ASAP2: variants seen among roughly 807,000 people sequenced by gnomAD.
The protein encoded by ASAP2 is arf-GAP with SH3 domain, ANK repeat and PH domain-containing protein 2.
Under a neutral mutation model 131.4 loss-of-function variants are expected in ASAP2, and 45 were observed. The ratio of observed to expected loss-of-function variants is 0.34; its 90% confidence interval spans 0.27 to 0.44. ASAP2 has a LOEUF of 0.44. Among genes scored for constraint, ASAP2 ranks in the 20% least tolerant of loss-of-function variants. The pLI is 1.00. For synonymous variants in ASAP2, 510 were observed against 503.0 expected (o/e 1.01, Z -0.19); for missense variants, 1,011 against 1,297.0 (o/e 0.78, Z 3.39).
At chr2:9,320,394 C>T in intron 5 of ASAP2, 57 bp downstream of exon 5, 2 of 1,326,406 alleles carry the variant, frequency 1.5e-6, no homozygotes, top group South Asian at 1.2e-5. Context: ...CAAATTTAAA[C>T]CAACCTCGTA....
At chr2:9,381,433 C>T (rs568852123) in intron 20 of ASAP2, among the ~76,000 whole-genome samples, 3 of 152,218 alleles carry the variant, frequency 2.0e-5, no homozygotes, top group Admixed American at 6.5e-5. Flanking sequence ...TGACACACAG[C>T]GCTCAGTAAA....
chr2:9,291,960 A>C (rs1667841586), intron 2 of ASAP2, among the ~76,000 whole-genome samples: 2 of 152,106 alleles, frequency 1.3e-5, no homozygotes, highest in Non-Finnish European at 2.9e-5. Context: ...TGTCATTAGC[A>C]AATGAAGAAA....
chr2:9,247,510 T>A (rs374078193), intron 1 of ASAP2, among the ~76,000 whole-genome samples: 49 of 152,258 alleles, frequency 3.2e-4, no homozygotes, highest in African/African-American at 1.1e-3. Context: ...TCTGTGGATT[T>A]GCTCGCTGCG....
chr2:9,363,014 T>C (rs553387362), intron 15 of ASAP2, among the ~76,000 whole-genome samples: 2 of 152,356 alleles, frequency 1.3e-5, no homozygotes, highest in Admixed American at 6.5e-5. Context: ...GAGTTCAGCT[T>C]TTTTAGATTT....
rs1349405189 is a variant in ASAP2 at position 9,313,163 on chromosome 2, A to C, written c.346-5361A>C. On this transcript the variant is annotated intron_variant, in intron 3 of 27. Transcript: ENST00000281419. ...AGAGGTCACACTCACTGCTGAAATG[A>C]ACGAAGAACGAAAGCAAGCCGACCA... is the stretch of plus-strand genomic sequence containing the variant. 2.0e-5 allele frequency among the ~76,000 whole-genome samples: 3 copies of C among 152,210 alleles called. No individual in the cohort carries two copies. In the East Asian group the frequency reaches 5.8e-4, roughly 29 times the overall value.
At chr2:9,316,983 A>G (rs1669726320) in intron 3 of ASAP2, among the ~76,000 whole-genome samples, 1 of 117,140 alleles carries the variant, frequency 8.5e-6, no homozygotes, top group Non-Finnish European at 1.7e-5. Flanking sequence ...ACACCCTCTC[A>G]TGTCCACTCT....
intron 1 of ASAP2, among the ~76,000 whole-genome samples, chr2:9,220,786 A>AAC (rs1662361363): frequency 6.6e-6 from 1 of 152,140 alleles, no homozygotes; most frequent in Non-Finnish European, 1.5e-5. Context: ...TTATAGTTTC[A>AAC]GTTCTTACAT....
chr2:9,240,006 C>G (rs534882282), intron 1 of ASAP2, among the ~76,000 whole-genome samples: 17 of 152,234 alleles, frequency 1.1e-4, no homozygotes, highest in African/African-American at 3.4e-4. Flanking sequence ...TGTCCTGCTA[C>G]TTTTGGGGTG....
chr2:9,311,568 T>C lies in ASAP2; in HGVS notation c.346-6956T>C, dbSNP rs867980517. The stretch of plus-strand genomic sequence containing the variant: ...TTCTGGTTGGGTTACCCAGGGATAA[T>C]GTAATTCTTCCCATAGAGCATGAAA... On this transcript the variant is annotated intron_variant, in intron 3 of 27. Coordinates refer to ENST00000281419, the MANE Select transcript of ASAP2 (RefSeq NM_003887.3). The surrounding 1 kb of genome is among the most constrained non-coding windows in gnomAD (Gnocchi z 5.2). Among the ~76,000 whole-genome samples, 2 of 152,236 alleles carry C rather than the reference T, an allele frequency of 1.3e-5. No individual in the cohort carries two copies. The highest frequency in any genetic ancestry group is 2.9e-5 in the Non-Finnish European group (2 of 68,042).
In ASAP2 at chr2:9,207,328, C is replaced by T. The variant is rs1209185759; in HGVS notation, c.126+98C>T. The stretch of plus-strand genomic sequence containing the variant: ...GCATCCCGAGAAAACTTTCTTTGCT[C>T]CGAAGCCGGACGCGGCCGGGCCAAC... On this transcript the variant is annotated intron_variant, in intron 1 of 27. Transcript: ENST00000281419. This position sits in a 1 kb window ranked among gnomAD's most constrained non-coding sequence, Gnocchi z 4.1. 3 of 1,409,986 alleles carry T rather than the reference C, an allele frequency of 2.1e-6. No individual in the cohort carries two copies. The highest frequency in any genetic ancestry group is 2.8e-6 in the Non-Finnish European group (3 of 1,079,570). 87.3% of individuals were successfully genotyped at this position (1,409,986 alleles called of 1,614,324 possible). A position where few individuals can be genotyped will look rare whatever the true frequency, so the allele number is the denominator to read the frequency against.
chr2:9,314,436 C>T (rs1024534721), intron 3 of ASAP2, among the ~76,000 whole-genome samples: 3 of 152,216 alleles, frequency 2.0e-5, no homozygotes, highest in African/African-American at 7.2e-5. Context: ...TAGATTCTGT[C>T]TTTCACATAT....
intron 20 of ASAP2, among the ~76,000 whole-genome samples, chr2:9,384,029 G>A (rs1384619932): frequency 6.6e-6 from 1 of 152,134 alleles, no homozygotes; most frequent in African/African-American, 2.4e-5. Flanking sequence ...GGGGAGACGG[G>A]GGAGGGATAG....
intron 11 of ASAP2, 142 bp downstream of exon 11, chr2:9,344,942 AC>A: frequency 1.7e-6 from 1 of 591,424 alleles, no homozygotes; most frequent in Non-Finnish European, 2.8e-6. Flanking sequence ...CCTGTCAGAA[AC>A]GCTTGCTGGC....
At chr2:9,391,344 C>T (rs1675706048) in intron 23 of ASAP2, 148 bp downstream of exon 23, 5 of 1,169,040 alleles carry the variant, frequency 4.3e-6, no homozygotes, top group Non-Finnish European at 6.0e-6. Flanking sequence ...GTGCAGGGCT[C>T]TCAGCTCCCC....
intron 1 of ASAP2, among the ~76,000 whole-genome samples, chr2:9,258,226 C>G (rs893521467): frequency 2.2e-5 from 3 of 136,308 alleles, no homozygotes; most frequent in African/African-American, 8.8e-5. Context: ...GGCTGGGTGA[C>G]AGAGCGATAC....
intron 1 of ASAP2, among the ~76,000 whole-genome samples, chr2:9,213,775 C>T (rs1050572382): frequency 6.6e-6 from 1 of 152,206 alleles, no homozygotes; most frequent in Non-Finnish European, 1.5e-5. Context: ...TTCATCCAAG[C>T]CCCCTGAACA....
At chr2:9,368,776 G>A (rs191970752) in intron 16 of ASAP2, among the ~76,000 whole-genome samples, 27 of 152,094 alleles carry the variant, frequency 1.8e-4, no homozygotes, top group African/African-American at 6.0e-4. Context: ...AGCCTCACTC[G>A]CCACTGGTGG....
intron 21 of ASAP2, among the ~76,000 whole-genome samples, chr2:9,388,001 C>T (rs1209716692): frequency 6.6e-6 from 1 of 152,210 alleles, no homozygotes; most frequent in Non-Finnish European, 1.5e-5. Flanking sequence ...TGCCATGATC[C>T]AGTCACCTCC....
intron 26 of ASAP2, 96 bp from the exon 27 acceptor site, chr2:9,401,178 G>A (rs1047777296): frequency 1.3e-6 from 2 of 1,496,928 alleles, no homozygotes; most frequent in African/African-American, 2.8e-5. Flanking sequence ...CTAGGTACGG[G>A]ACTCCTGAGA....
Sources: gnomAD v4.1 joint callset for allele counts (sites outside exome capture counted in the v4.1 genomes callset) on GRCh38, gnomAD v4.1.1 for gene constraint, Gnocchi (gnomAD v3.1) non-coding constraint, MANE v1.5 for transcripts, NCBI Gene and HGNC (gene_info 2026-07-23, HGNC 2026-07-21) for gene names.